FZD3: variants seen among roughly 807,000 people sequenced by gnomAD.
The protein encoded by FZD3 is frizzled class receptor 3, also known as frizzled-3.
FZD3 carries 30 observed loss-of-function variants against 60.7 expected under a neutral mutation model. That is an observed-to-expected ratio of 0.49 (90% CI 0.37 to 0.67). The LOEUF (loss-of-function observed/expected upper bound fraction) is 0.67. Among genes scored for constraint, FZD3 ranks in the 30% least tolerant of loss-of-function variants. The pLI is 0.00. For synonymous variants in FZD3, 246 were observed against 275.2 expected, an observed-to-expected ratio of 0.89 and a Z score of 1.05; for missense variants, 605 against 838.7, an observed-to-expected ratio of 0.72 and a Z score of 3.44.
intron 5 of FZD3, among the ~76,000 whole-genome samples, chr8:28,543,222 ATCC>A (rs1198239407): frequency 6.6e-6 from 1 of 152,006 alleles, no homozygotes; most frequent in African/African-American, 2.4e-5. Context: ...CTTTGCCTTC[ATCC>A]TCTTCATCGT....
At chr8:28,538,121 A>AAAT (rs376137685) in intron 5 of FZD3, among the ~76,000 whole-genome samples, 391 of 149,804 alleles carry the variant, frequency 2.6e-3, no homozygotes, top group African/African-American at 4.8e-3. Flanking sequence ...CTTGTCTCCA[A>AAAT]AATAATAATA....
Position 28,520,645 on chromosome 8 carries a change from A to C in FZD3, c.197A>C (p.His66Pro), listed in dbSNP as rs766459921. The change falls in exon 4 of 8, where the codon CAC (histidine) becomes CCC (proline). Residue 66 changes from histidine (H) to proline (P), a missense_variant. Transcript: ENST00000240093. ...QTAALAMEPF[H>P]PMVNLDCSRD... ...ATTTTAACTTTTCCCTAGCCATTCCACCCTATGGTGAATCTGGATTGTTCT... is the reference window on the plus strand; with the variant it reads ...ATTTTAACTTTTCCCTAGCCATTCCCCCCTATGGTGAATCTGGATTGTTCT... 4 of 1,577,270 alleles carry C rather than the reference A, an allele frequency of 2.5e-6. No homozygotes were observed. The Admixed American group carries it at 7.0e-5, about 28-fold the overall frequency.
At chr8:28,505,132 T>A (rs1054059126) in intron 3 of FZD3, 8 of 154,926 alleles carry the variant, frequency 5.2e-5, no homozygotes, top group Non-Finnish European at 1.2e-4. Flanking sequence ...ACGTGGAAAC[T>A]CAGCAGACAA....
In FZD3 at chr8:28,569,628, G is replaced by A. The variant is rs1435785372; in HGVS notation, c.*6617G>A. On this transcript the variant is annotated 3_prime_UTR_variant, in exon 8 of 8. Transcript: ENST00000240093. ...AACGTCATTTACATGTAAATTGATG[G>A]GATTCAGATATTTTATCAACTGTTT... The A allele has an allele frequency of 4.6e-5, 7 of 151,042 alleles. No homozygotes were observed. In the East Asian group the frequency reaches 9.7e-4, roughly 21 times the overall value. 9.4% of individuals were successfully genotyped at this position (151,042 alleles called of 1,614,324 possible). A position where few individuals can be genotyped will look rare whatever the true frequency, so the allele number is the denominator to read the frequency against.
chr8:28,510,893 C>T lies in FZD3; in HGVS notation c.189+7691C>T, dbSNP rs533493258. Among the ~76,000 whole-genome samples, 11 of 150,570 alleles carry T rather than the reference C, an allele frequency of 7.3e-5. No individual in the cohort carries two copies. In the South Asian group the frequency reaches 1.3e-3, roughly 17 times the overall value. On this transcript the variant is annotated intron_variant, in intron 3 of 7. Transcript: ENST00000240093. ...CTCTACTAAAAATACAAAAATTAGC[C>T]GGGCGTGGTGGTGGGCACATGTAAT...
chr8:28,520,840 A>G lies in FZD3; in HGVS notation c.386+6A>G. On this transcript the variant is annotated splice_donor_region_variant and intron_variant, in intron 4 of 7. Transcript: ENST00000240093. ...GAAGATATGGAATGCAGTAGGTGCG[A>G]AAATCATAGATTTTCATGGATCATT... 6.6e-7 allele frequency: 1 copy of G among 1,526,514 alleles called. No homozygotes were observed. Among genetic ancestry groups the G allele is most frequent in the South Asian group, 1.2e-5 (1 of 80,516 alleles). The allele number at this position is 1,526,514 out of a possible 1,614,324, so 94.6% of individuals were successfully genotyped here.
intron 7 of FZD3, among the ~76,000 whole-genome samples, chr8:28,562,393 C>T (rs753059282): frequency 1.3e-5 from 2 of 152,152 alleles, no homozygotes; most frequent in Non-Finnish European, 2.9e-5. Context: ...TGAATGTACC[C>T]CTCTACTGAT....
At chr8:28,556,912 A>G (rs1398157116) in intron 7 of FZD3, among the ~76,000 whole-genome samples, 1 of 152,236 alleles carries the variant, frequency 6.6e-6, no homozygotes. Flanking sequence ...GTTTCTTGTT[A>G]AATTTGAGAA....
At chr8:28,510,662 G>T (rs534660582) in intron 3 of FZD3, among the ~76,000 whole-genome samples, 8 of 152,208 alleles carry the variant, frequency 5.3e-5, no homozygotes, top group African/African-American at 7.2e-5. Flanking sequence ...ACTGTGGACA[G>T]TAACAATATA....
At chr8:28,555,275 C>A (rs1457240079) in intron 6 of FZD3, among the ~76,000 whole-genome samples, 1 of 152,166 alleles carries the variant, frequency 6.6e-6, no homozygotes, top group Non-Finnish European at 1.5e-5. Context: ...TACAGTGAAG[C>A]CTCTACTAGT....
chr8:28,569,135 G>C lies in FZD3; in HGVS notation c.*6124G>C, dbSNP rs953298663. The C allele has an allele frequency of 2.0e-5, 3 of 147,824 alleles. No individual in the cohort carries two copies. Among genetic ancestry groups the C allele is most frequent in the Non-Finnish European group, 4.5e-5 (3 of 67,044 alleles). The allele number at this position is 147,824 out of a possible 1,614,324, so 9.2% of individuals were successfully genotyped here. ...GGTTTTTTGTTGTATAAGTCAGCTT[G>C]TTTGTATATGCTAAATTGCAGATAT... On this transcript the variant is annotated 3_prime_UTR_variant, in exon 8 of 8. Coordinates refer to ENST00000240093, the MANE Select transcript of FZD3 (RefSeq NM_017412.4).
intron 5 of FZD3, among the ~76,000 whole-genome samples, chr8:28,538,641 TCTAA>T (rs1182258036): frequency 3.9e-5 from 6 of 152,162 alleles, no homozygotes; most frequent in Non-Finnish European, 7.4e-5. Context: ...TGGCTATATC[TCTAA>T]CTAGTTTTGT....
intron 5 of FZD3, among the ~76,000 whole-genome samples, chr8:28,545,226 C>G (rs780501556): frequency 2.2e-4 from 33 of 152,230 alleles, no homozygotes; most frequent in Non-Finnish European, 4.4e-4. Context: ...AGCCACATCT[C>G]TTGCTCTTGA....
chr8:28,531,642 G>T (rs550975623), intron 5 of FZD3, among the ~76,000 whole-genome samples: 46 of 152,206 alleles, frequency 3.0e-4, no homozygotes, highest in Middle Eastern at 6.8e-3. Context: ...GCCAGACTTT[G>T]AAATAATATC....
At chr8:28,546,344 G>A (rs547420486) in intron 5 of FZD3, among the ~76,000 whole-genome samples, 1 of 152,322 alleles carries the variant, frequency 6.6e-6, no homozygotes, top group East Asian at 1.9e-4. Flanking sequence ...GAAATAGGCA[G>A]ATGCTGCAAA....
chr8:28,515,060 G>T (rs547272748), intron 3 of FZD3, among the ~76,000 whole-genome samples: 1 of 152,098 alleles, frequency 6.6e-6, no homozygotes, highest in African/African-American at 2.4e-5. Flanking sequence ...AAGTTACTTC[G>T]TTTTCTGTAT....
chr8:28,503,904 C>T (rs1377887020), intron 3 of FZD3, among the ~76,000 whole-genome samples: 2 of 152,142 alleles, frequency 1.3e-5, no homozygotes, highest in Non-Finnish European at 2.9e-5. Flanking sequence ...AACTTAGAGA[C>T]TTCAGTAAGG....
intron 5 of FZD3, among the ~76,000 whole-genome samples, chr8:28,542,979 G>A (rs1275524276): frequency 6.6e-6 from 1 of 152,160 alleles, no homozygotes; most frequent in Admixed American, 6.5e-5. Flanking sequence ...GAGTAGGATA[G>A]GATGTATCTC....
chr8:28,525,621 G>A (rs1804696131), intron 4 of FZD3, among the ~76,000 whole-genome samples: 1 of 152,148 alleles, frequency 6.6e-6, no homozygotes, highest in Non-Finnish European at 1.5e-5. Flanking sequence ...GAAAAGTACT[G>A]GGGCTGAGGG....
Sources: gnomAD v4.1 joint callset for allele counts (sites outside exome capture counted in the v4.1 genomes callset) on GRCh38, gnomAD v4.1.1 for gene constraint, MANE v1.5 for transcripts, NCBI Gene and HGNC (gene_info 2026-07-23, HGNC 2026-07-21) for gene names.